The following RELN variants were observed in gnomAD, a reference collection of about 807,000 sequenced individuals.
RELN encodes reelin.
Under a neutral mutation model 427.6 loss-of-function variants are expected in RELN, and 108 were observed. That is an observed-to-expected ratio of 0.25 (90% CI 0.22 to 0.30). The LOEUF is 0.30. Among genes scored for constraint, RELN ranks in the 10% least tolerant of loss-of-function variants. RELN has a pLI of 1.00. For synonymous variants in RELN, 1,524 were observed against 1,513.4 expected (o/e 1.01, Z -0.16); for missense variants, 3,715 against 4,302.8 (o/e 0.86, Z 3.82).
chr7:103,673,732 T>C (rs1016803614), intron 11 of RELN, among the ~76,000 whole-genome samples: 1 of 152,018 alleles, frequency 6.6e-6, no homozygotes, highest in African/African-American at 2.4e-5. Context: ...TTTCAGAACT[T>C]CAAGATAACT....
At chr7:103,911,107 G>A (rs2116653485) in intron 2 of RELN, among the ~76,000 whole-genome samples, 1 of 145,026 alleles carries the variant, frequency 6.9e-6, no homozygotes, top group African/African-American at 2.7e-5. Context: ...CTACTCATCT[G>A]ACAAAGGGCT....
At chr7:103,615,150 G>A (rs751845552) in intron 20 of RELN, among the ~76,000 whole-genome samples, 2 of 152,150 alleles carry the variant, frequency 1.3e-5, no homozygotes, top group Non-Finnish European at 2.9e-5. Context: ...TATTTATATT[G>A]ACTTGCAAGG....
At position 103,482,739 on chromosome 7, in the gene RELN, A is replaced by G. The variant is rs1008667514; in HGVS notation, c.10280+134T>C. 37 of 1,540,072 alleles carry G rather than the reference A, an allele frequency of 2.4e-5. No homozygotes were observed. In the Middle Eastern group the frequency reaches 7.2e-4, roughly 30 times the overall value. On this transcript the variant is annotated intron_variant, in intron 63 of 64. Coordinates refer to ENST00000428762, the MANE Select transcript of RELN (RefSeq NM_005045.4). ...TTGAGCTATAGCTTGCAGTTGCAAAAGAGTGTAAGCCAAAGTGCTCCTGTG... is the reference window on the plus strand; with the variant it reads ...TTGAGCTATAGCTTGCAGTTGCAAAGGAGTGTAAGCCAAAGTGCTCCTGTG...
intron 11 of RELN, among the ~76,000 whole-genome samples, chr7:103,674,529 C>T (rs1833469172): frequency 1.3e-5 from 2 of 152,088 alleles, no homozygotes; most frequent in Admixed American, 6.6e-5. Flanking sequence ...CAGATGTGCC[C>T]TTGGGTGAGG....
At chr7:103,554,099 A>AGTCCTCC (rs1410222165) in intron 38 of RELN, among the ~76,000 whole-genome samples, 1 of 151,762 alleles carries the variant, frequency 6.6e-6, no homozygotes, top group African/African-American at 2.4e-5. Flanking sequence ...AGGTGGGAGG[A>AGTCCTCC]CTGCTTGGGT....
At chr7:103,495,208 C>A (rs115427151) in intron 57 of RELN, among the ~76,000 whole-genome samples, 2,095 of 134,796 alleles carry the variant, frequency 0.016, 58 homozygotes, top group African/African-American at 0.055. Context: ...GACAGAATCT[C>A]GTTCTGTCGC....
intron 1 of RELN, among the ~76,000 whole-genome samples, chr7:103,924,881 A>G (rs1272372599): frequency 6.6e-6 from 1 of 151,832 alleles, no homozygotes; most frequent in Non-Finnish European, 1.5e-5. Context: ...GTGAATATAA[A>G]TCTCTCCTAC....
Position 103,566,351 on chromosome 7 carries a change from T to A in RELN, c.4809A>T (p.Gln1603His). The part of the protein sequence containing the change: ...DVLIGMNDSS[Q>H]TGFQDKFDGS... ...CATCAAATTTGTCTTGAAATCCAGT[T>A]TGAGAGCTGTCATTCATTCCTATAA... is the stretch of plus-strand genomic sequence containing the variant. The change falls in exon 33 of 65, where the codon CAA becomes CAT. Residue 1603 changes from glutamine to histidine, a missense_variant. Gln to His is a conservative substitution (Grantham distance 24). This residue lies in a region of RELN where 2,208 missense variants were observed against 2,361.7 expected (regional missense o/e 0.93). Transcript: ENST00000428762. The A allele has an allele frequency of 6.2e-7, 1 of 1,614,126 alleles. No homozygotes were observed. Among genetic ancestry groups the A allele is most frequent in the Non-Finnish European group, 8.5e-7 (1 of 1,180,004 alleles).
chr7:103,609,880 A>T (rs992654924), intron 22 of RELN, among the ~76,000 whole-genome samples: 6 of 152,310 alleles, frequency 3.9e-5, no homozygotes, highest in African/African-American at 1.2e-4. Context: ...AGAATCTTAG[A>T]ACTACAGGAC....
At chr7:103,862,243 G>A (rs960962650) in intron 2 of RELN, among the ~76,000 whole-genome samples, 1 of 152,170 alleles carries the variant, frequency 6.6e-6, no homozygotes, top group Non-Finnish European at 1.5e-5. Context: ...TTGACTGCCA[G>A]TAAAGTTGAA....
intron 63 of RELN, chr7:103,482,269 A>G (rs1476856729): frequency 6.3e-6 from 1 of 158,132 alleles, no homozygotes; most frequent in African/African-American, 2.4e-5. Flanking sequence ...GTTCTACAGG[A>G]ACTAGATCAT....
At chr7:103,732,390 T>C (rs915759974) in intron 6 of RELN, among the ~76,000 whole-genome samples, 3 of 152,130 alleles carry the variant, frequency 2.0e-5, no homozygotes, top group Non-Finnish European at 4.4e-5. Flanking sequence ...TGGGGTTCAT[T>C]TCTATGCATG....
chr7:103,891,739 T>A (rs1409747562), intron 2 of RELN, among the ~76,000 whole-genome samples: 1 of 152,192 alleles, frequency 6.6e-6, no homozygotes, highest in Non-Finnish European at 1.5e-5. Context: ...TATTCATTAT[T>A]CATTTTTTTC....
chr7:103,957,089 G>A (rs1759659873), intron 1 of RELN, among the ~76,000 whole-genome samples: 1 of 152,132 alleles, frequency 6.6e-6, no homozygotes, highest in African/African-American at 2.4e-5. Flanking sequence ...AGATGAAATT[G>A]GAGGGACACC....
At chr7:103,795,784 A>G (rs79033736) in intron 3 of RELN, among the ~76,000 whole-genome samples, 2,578 of 152,290 alleles carry the variant, frequency 0.017, 70 homozygotes, top group African/African-American at 0.059. Flanking sequence ...CATCATTACA[A>G]TTTTGCCCCA....
chr7:103,981,690 A>T (rs535763312), intron 1 of RELN, among the ~76,000 whole-genome samples: 2 of 152,338 alleles, frequency 1.3e-5, no homozygotes, highest in South Asian at 2.1e-4. Flanking sequence ...CTGCCTGAAG[A>T]TATAAAGGAG....
At chr7:103,833,465 T>A (rs899026050) in intron 3 of RELN, 72 bp downstream of exon 3, 1 of 1,296,346 alleles carries the variant, frequency 7.7e-7, no homozygotes, top group African/African-American at 1.5e-5. Flanking sequence ...AAATAGTTAC[T>A]CTATATGTAA....
At chr7:103,651,887 T>A in intron 14 of RELN, 98 bp from the exon 15 acceptor site, 2 of 1,276,774 alleles carry the variant, frequency 1.6e-6, no homozygotes, top group Non-Finnish European at 2.2e-6. Flanking sequence ...TAAACAACTG[T>A]AAAAACAGTG....
At chr7:103,729,795 A>G (rs922517339) in intron 6 of RELN, among the ~76,000 whole-genome samples, 3 of 152,180 alleles carry the variant, frequency 2.0e-5, no homozygotes, top group Non-Finnish European at 2.9e-5. Flanking sequence ...TCTGAGGTCT[A>G]AAGAACTTAG....
Sources: allele counts gnomAD v4.1 joint callset (sites outside exome capture counted in the v4.1 genomes callset), GRCh38; gene constraint gnomAD v4.1.1; regional missense constraint gnomAD v4.1.1; transcripts MANE v1.5; gene names NCBI Gene and HGNC (gene_info 2026-07-23, HGNC 2026-07-21).